The following UBE3C variants were observed in gnomAD, a reference collection of about 807,000 sequenced individuals.
The protein encoded by UBE3C is ubiquitin-protein ligase E3C.
In UBE3C, 42 loss-of-function variants were observed where a neutral mutation model predicts 129.4. The ratio of observed to expected loss-of-function variants is 0.32; its 90% CI spans 0.25 to 0.42. The LOEUF is 0.42. Ranked by LOEUF, UBE3C falls within the 10% of genes least tolerant of loss-of-function variation. The pLI is 1.00. For synonymous variants in UBE3C, 510 were observed against 492.4 expected, an observed-to-expected ratio of 1.04 and a Z score of -0.47; for missense variants, 1,049 against 1,319.1, an observed-to-expected ratio of 0.80 and a Z score of 3.17.
chr7:157,174,713 A>C (rs972883846), intron 4 of UBE3C, among the ~76,000 whole-genome samples: 2 of 152,088 alleles, frequency 1.3e-5, no homozygotes, highest in African/African-American at 4.8e-5. Flanking sequence ...CAGCCTCCCA[A>C]AGTTACAGAC....
Position 157,220,590 on chromosome 7 carries a change from C to A in UBE3C, c.1915-99C>A. The stretch of plus-strand genomic sequence containing the variant: ...GAGGTCAGAGAGAGGGCCCAGCCCA[C>A]GGTAGAGAAATGTCCAGCACCAATT... On this transcript the variant is annotated intron_variant, in intron 14 of 22. Transcript: ENST00000348165. The A allele has an allele frequency of 5.0e-6, 7 of 1,390,084 alleles. 1 individual carries two copies. The South Asian group carries it at 9.7e-5, about 19-fold the overall frequency. 86.1% of individuals were successfully genotyped at this position (1,390,084 alleles called of 1,614,324 possible). A position where few individuals can be genotyped will look rare whatever the true frequency, so the allele number is the denominator to read the frequency against.
At chr7:157,181,927 T>G (rs1563044228) in intron 7 of UBE3C, among the ~76,000 whole-genome samples, 181 bp from the exon 8 acceptor site, 1 of 152,256 alleles carries the variant, frequency 6.6e-6, no homozygotes, top group Non-Finnish European at 1.5e-5. Flanking sequence ...GGTAGTTATC[T>G]TAATAGAGAA....
chr7:157,230,418 C>T (rs1405317650), intron 17 of UBE3C, among the ~76,000 whole-genome samples: 8 of 151,592 alleles, frequency 5.3e-5, no homozygotes, highest in South Asian at 2.1e-4. Context: ...AATTACAGGC[C>T]GGGCACGGTG....
At chr7:157,177,489 A>C (rs570847450) in intron 5 of UBE3C, among the ~76,000 whole-genome samples, 1 of 152,324 alleles carries the variant, frequency 6.6e-6, no homozygotes, top group Admixed American at 6.5e-5. Flanking sequence ...ACATGGGATT[A>C]TCAGCACACA....
At chr7:157,166,670 G>T (rs1808222615) in intron 2 of UBE3C, among the ~76,000 whole-genome samples, 1 of 151,252 alleles carries the variant, frequency 6.6e-6, no homozygotes, top group Non-Finnish European at 1.5e-5. Context: ...AACTCGGGAG[G>T]CGGAGGTTGT....
At chr7:157,226,338 C>G (rs764065036) in intron 17 of UBE3C, among the ~76,000 whole-genome samples, 1 of 152,232 alleles carries the variant, frequency 6.6e-6, no homozygotes, top group African/African-American at 2.4e-5. Flanking sequence ...CACGTTTCGT[C>G]GTATGTTCAT....
Position 157,139,029 on chromosome 7 carries a change from GT to G in UBE3C, c.-243del, listed in dbSNP as rs1484039829. On this transcript the variant is annotated 5_prime_UTR_variant, in exon 1 of 23. Coordinates refer to ENST00000348165, the MANE Select transcript of UBE3C (RefSeq NM_014671.3). ...GGGCGCCCCTGCAGCGGCCCGAGCT[GT>G]GGCCGGCGTGGATGAGGGGCAGGCG... The G allele has an allele frequency of 6.4e-6, 1 of 155,056 alleles. No individual in the cohort carries two copies. The highest frequency in any genetic ancestry group is 1.4e-5 in the Non-Finnish European group (1 of 70,460). 9.6% of individuals were successfully genotyped at this position (155,056 alleles called of 1,614,324 possible). A position where few individuals can be genotyped will look rare whatever the true frequency, so the allele number is the denominator to read the frequency against.
chr7:157,207,325 A>G, intron 11 of UBE3C, 73 bp from the exon 12 acceptor site: 1 of 1,547,394 alleles, frequency 6.5e-7, no homozygotes, highest in Non-Finnish European at 8.7e-7. Context: ...GTTTGATGTT[A>G]TGTTTTAATT....
intron 18 of UBE3C, among the ~76,000 whole-genome samples, chr7:157,236,343 G>C (rs759747642): frequency 1.3e-5 from 2 of 152,060 alleles, no homozygotes; most frequent in Non-Finnish European, 2.9e-5. Context: ...TTTGAAAATG[G>C]CTTTTTTTCT....
At position 157,242,801 on chromosome 7, in the gene UBE3C, A is replaced by T. The variant is rs561435103; in HGVS notation, c.2482-5567A>T. ...GCCAGGTCTGGTGGCTCAAGCCTGT[A>T]ATCCCAGCACTTTGGGAGGCCAAGG... On this transcript the variant is annotated intron_variant, in intron 18 of 22. Coordinates refer to ENST00000348165, the MANE Select transcript of UBE3C (RefSeq NM_014671.3). 5.9e-5 allele frequency among the ~76,000 whole-genome samples: 9 copies of T among 152,270 alleles called. No homozygotes were observed. In the South Asian group the frequency reaches 1.9e-3, roughly 32 times the overall value.
At chr7:157,263,085 CTT>C (rs1000604788) in intron 22 of UBE3C, 2 of 152,434 alleles carry the variant, frequency 1.3e-5, no homozygotes, top group Admixed American at 6.5e-5. Context: ...GCTCACATCT[CTT>C]TATATCCAGC....
Position 157,257,742 on chromosome 7 carries a change from C to CAAAA in UBE3C, c.3081+716_3081+719dup, listed in dbSNP as rs11436417. 4.9e-4 allele frequency among the ~76,000 whole-genome samples: 47 copies of CAAAA among 95,434 alleles called. 1 individual carries two copies. The highest frequency in any genetic ancestry group is 1.7e-3 in the African/African-American group (38 of 22,906). 62.6% of individuals were successfully genotyped at this position (95,434 alleles called of 152,430 possible). ...GGGTGACAGAGTGAGACCCTGTCTC[C>CAAAA]AAAAAAAAAAAAAAAAAAAAATTGC... On this transcript the variant is annotated intron_variant, in intron 22 of 22. Coordinates refer to ENST00000348165, the MANE Select transcript of UBE3C (RefSeq NM_014671.3).
intron 10 of UBE3C, among the ~76,000 whole-genome samples, chr7:157,196,478 C>G (rs1402185684): frequency 6.6e-6 from 1 of 152,084 alleles, no homozygotes; most frequent in African/African-American, 2.4e-5. Context: ...AATATACATT[C>G]CTGTATTTCT....
At chr7:157,176,625 T>A (rs1808526319) in intron 5 of UBE3C, among the ~76,000 whole-genome samples, 2 of 152,240 alleles carry the variant, frequency 1.3e-5, no homozygotes, top group Admixed American at 6.5e-5. Context: ...ATCTTTCCTC[T>A]TTAATCTCAG....
chr7:157,193,976 G>T (rs556448089), intron 10 of UBE3C, among the ~76,000 whole-genome samples: 1 of 152,276 alleles, frequency 6.6e-6, no homozygotes, highest in East Asian at 1.9e-4. Context: ...GTTTTTGTAT[G>T]TGCATCTATA....
At chr7:157,149,316 A>G (rs184080738) in intron 1 of UBE3C, among the ~76,000 whole-genome samples, 2,175 of 152,226 alleles carry the variant, frequency 0.014, 42 homozygotes, top group African/African-American at 0.049. Context: ...TCAGCCTCCC[A>G]AAGTGCTGGG....
At chr7:157,179,767 A>ACTTGGTCCT (rs1320472511) in intron 6 of UBE3C, among the ~76,000 whole-genome samples, 2 of 152,200 alleles carry the variant, frequency 1.3e-5, no homozygotes, top group Non-Finnish European at 2.9e-5. Flanking sequence ...AGTCTGGACC[A>ACTTGGTCCT]CTTGGTCCTC....
In UBE3C at chr7:157,198,079, C is replaced by G. The variant is rs931808046; in HGVS notation, c.1332-3642C>G. On this transcript the variant is annotated intron_variant, in intron 10 of 22. Coordinates refer to ENST00000348165, the MANE Select transcript of UBE3C (RefSeq NM_014671.3). ...GGGATCTCTCCTCTTTTAACAAACT[C>G]CAGAAATTGAGCATTTGTTGGTTCA... 3.7e-6 allele frequency: 6 copies of G among 1,611,848 alleles called. No individual in the cohort carries two copies. The Admixed American group carries it at 8.3e-5, about 22-fold the overall frequency.
At chr7:157,174,260 G>T (rs1808455969) in intron 4 of UBE3C, among the ~76,000 whole-genome samples, 1 of 152,178 alleles carries the variant, frequency 6.6e-6, no homozygotes, top group African/African-American at 2.4e-5. Flanking sequence ...TACTTGGGAG[G>T]CTAAGGCATG....
Sources: gnomAD v4.1 joint callset for allele counts (sites outside exome capture counted in the v4.1 genomes callset) on GRCh38, gnomAD v4.1.1 for gene constraint, MANE v1.5 for transcripts, NCBI Gene and HGNC (gene_info 2026-07-23, HGNC 2026-07-21) for gene names.